IGSF11: variants seen among roughly 807,000 people sequenced by gnomAD.
IGSF11 encodes the protein immunoglobulin superfamily member 11.
A neutral mutation model predicts 41.0 loss-of-function variants in IGSF11; 22 were observed. The ratio of observed to expected loss-of-function variants is 0.54; its 90% CI spans 0.38 to 0.77. The LOEUF (loss-of-function observed/expected upper bound fraction) is 0.77, where lower values mean the gene tolerates loss of function less well. Ranked by LOEUF, IGSF11 falls within the 30% of genes least tolerant of loss-of-function variation. The pLI is 0.00. For synonymous variants in IGSF11, 219 were observed against 201.3 expected (o/e 1.09, Z -0.74); for missense variants, 444 against 530.8 (o/e 0.84, Z 1.61).
chr3:118,946,695 C>G (rs1256927343), intron 1 of IGSF11, among the ~76,000 whole-genome samples: 2 of 152,230 alleles, frequency 1.3e-5, no homozygotes, highest in Non-Finnish European at 2.9e-5. Flanking sequence ...TAGAAAGGGT[C>G]ACCACTAACA....
intron 1 of IGSF11, among the ~76,000 whole-genome samples, chr3:119,110,438 G>A (rs2077130528): frequency 6.6e-6 from 1 of 151,928 alleles, no homozygotes; most frequent in African/African-American, 2.4e-5. Context: ...TTTTCCATTT[G>A]CTTGGTAGAT....
intron 1 of IGSF11, among the ~76,000 whole-genome samples, chr3:119,069,602 C>G (rs1942339996): frequency 6.6e-6 from 1 of 152,082 alleles, no homozygotes; most frequent in Non-Finnish European, 1.5e-5. Context: ...TGATAGAAAA[C>G]TGCTAGATAT....
chr3:118,937,007 C>A (rs1385780104), intron 1 of IGSF11, among the ~76,000 whole-genome samples: 3 of 152,210 alleles, frequency 2.0e-5, no homozygotes, highest in Non-Finnish European at 4.4e-5. Context: ...CTGGCCCAAG[C>A]AATCCAATGG....
At chr3:118,942,048 C>T (rs1340322308) in intron 1 of IGSF11, among the ~76,000 whole-genome samples, 1 of 152,164 alleles carries the variant, frequency 6.6e-6, no homozygotes, top group African/African-American at 2.4e-5. Flanking sequence ...TAGTGTACAT[C>T]ACGGTTATGG....
intron 1 of IGSF11, among the ~76,000 whole-genome samples, chr3:119,041,750 A>G (rs1028595675): frequency 6.6e-6 from 1 of 152,236 alleles, no homozygotes; most frequent in African/African-American, 2.4e-5. Context: ...GCTCAAAAAT[A>G]AGCAGAAAAC....
intron 1 of IGSF11, among the ~76,000 whole-genome samples, chr3:119,034,227 TA>T (rs1316227377): frequency 6.6e-6 from 1 of 152,202 alleles, no homozygotes; most frequent in Non-Finnish European, 1.5e-5. Flanking sequence ...GTTCGTTATC[TA>T]AAAAGGATCC....
intron 1 of IGSF11, among the ~76,000 whole-genome samples, chr3:119,052,441 G>A (rs1292371030): frequency 6.7e-6 from 1 of 148,746 alleles, no homozygotes; most frequent in African/African-American, 2.5e-5. Flanking sequence ...CAGGAAGGGA[G>A]GGAGGGAGGA....
intron 1 of IGSF11, among the ~76,000 whole-genome samples, chr3:119,133,758 A>G (rs2077517389): frequency 6.6e-6 from 1 of 152,232 alleles, no homozygotes; most frequent in Admixed American, 6.5e-5. Flanking sequence ...CCTGGAAGAG[A>G]CTCAACAACA....
At position 119,049,144 on chromosome 3, in the gene IGSF11, C is replaced by T. The variant is rs1443432456; in HGVS notation, c.49+56000G>A. On this transcript the variant is annotated intron_variant, in intron 1 of 6. Transcript: ENST00000354673. ...TTCAACATAGTGTTGGAAGTTCTGG[C>T]CAGGGCAATTAGGCAGGAGAAGGAA... Among the ~76,000 whole-genome samples the T allele has an allele frequency of 2.0e-5, 3 of 151,622 alleles. No homozygotes were observed. The East Asian group carries it at 5.8e-4, about 29-fold the overall frequency.
In IGSF11 at chr3:119,034,642, A is replaced by T. The variant is rs1940767647; in HGVS notation, c.-60T>A. 8.0e-6 allele frequency: 12 copies of T among 1,502,854 alleles called. No individual in the cohort carries two copies. Among genetic ancestry groups the T allele is most frequent in the Non-Finnish European group, 9.8e-6 (11 of 1,122,398 alleles). The allele number at this position is 1,502,854 out of a possible 1,614,324, so 93.1% of individuals were successfully genotyped here. A position where few individuals can be genotyped will look rare whatever the true frequency, so the allele number is the denominator to read the frequency against. ...CGGCTCCCGGTCGCAACAGGAGAGG[A>T]GCGGGCGTGAGTCTCCGCGCTCTTG... On this transcript the variant is annotated 5_prime_UTR_variant, in exon 1 of 7. Transcript: ENST00000393775.
intron 1 of IGSF11, among the ~76,000 whole-genome samples, chr3:119,021,181 T>C (rs1304667929): frequency 6.6e-6 from 1 of 152,202 alleles, no homozygotes; most frequent in Non-Finnish European, 1.5e-5. Flanking sequence ...GCAGTGGTTA[T>C]ACGATGCAAA....
chr3:119,112,012 C>T (rs960302588), intron 1 of IGSF11, among the ~76,000 whole-genome samples: 1 of 152,176 alleles, frequency 6.6e-6, no homozygotes, highest in African/African-American at 2.4e-5. Flanking sequence ...CTGGGTGGTG[C>T]CTCCCAGTTA....
chr3:119,140,707 T>C (rs2077634723), intron 1 of IGSF11, among the ~76,000 whole-genome samples: 1 of 152,160 alleles, frequency 6.6e-6, no homozygotes. Flanking sequence ...AGATAAACCA[T>C]ATGTTATACC....
intron 1 of IGSF11, among the ~76,000 whole-genome samples, chr3:118,999,445 CAT>C (rs1222821771): frequency 6.6e-6 from 1 of 152,096 alleles, no homozygotes; most frequent in African/African-American, 2.4e-5. Flanking sequence ...AGTAATATGA[CAT>C]ATAAAATTCT....
intron 1 of IGSF11, among the ~76,000 whole-genome samples, chr3:119,049,301 C>G (rs1430965779): frequency 6.6e-6 from 1 of 151,520 alleles, no homozygotes; most frequent in Non-Finnish European, 1.5e-5. Flanking sequence ...TCAGCAAAGT[C>G]TCAGGATACA....
At chr3:119,099,379 CACT>C (rs2076905982) in intron 1 of IGSF11, among the ~76,000 whole-genome samples, 4 of 152,070 alleles carry the variant, frequency 2.6e-5, no homozygotes, top group African/African-American at 9.7e-5. Flanking sequence ...GACACAATAC[CACT>C]AAGTAGAATG....
chr3:119,139,358 G>T (rs980612124), intron 1 of IGSF11, among the ~76,000 whole-genome samples: 4 of 152,160 alleles, frequency 2.6e-5, no homozygotes, highest in Non-Finnish European at 5.9e-5. Context: ...TTAGGTATTT[G>T]ATATGGTTTG....
chr3:119,116,151 G>C (rs1363738228), intron 1 of IGSF11, among the ~76,000 whole-genome samples: 1 of 152,158 alleles, frequency 6.6e-6, no homozygotes. Context: ...CATTTGAATT[G>C]GTGGACTCAG....
chr3:118,963,069 C>A (rs1276819057), intron 1 of IGSF11, among the ~76,000 whole-genome samples: 1 of 152,084 alleles, frequency 6.6e-6, no homozygotes, highest in East Asian at 1.9e-4. Flanking sequence ...TCTAGGTGAG[C>A]CATAGTGGAA....
Sources: gnomAD v4.1 joint callset for allele counts (sites outside exome capture counted in the v4.1 genomes callset) on GRCh38, gnomAD v4.1.1 for gene constraint, MANE v1.5 for transcripts, NCBI Gene and HGNC (gene_info 2026-07-23, HGNC 2026-07-21) for gene names.